SASH1: variants seen among roughly 807,000 people sequenced by gnomAD.
The protein encoded by SASH1 is SAM and SH3 domain containing 1.
Under a neutral mutation model 125.2 loss-of-function variants are expected in SASH1, and 44 were observed. The ratio of observed to expected loss-of-function variants is 0.35; its 90% CI spans 0.28 to 0.45. SASH1 has a LOEUF of 0.45. Ranked by LOEUF, SASH1 falls within the 20% of genes least tolerant of loss-of-function variation. SASH1 has a pLI of 1.00. For synonymous variants in SASH1, 639 were observed against 649.1 expected, an observed-to-expected ratio of 0.98 and a Z score of 0.24; for missense variants, 1,426 against 1,614.5, an observed-to-expected ratio of 0.88 and a Z score of 2.00.
At chr6:148,392,451 T>G (rs1275821903) in intron 2 of SASH1, among the ~76,000 whole-genome samples, 2 of 152,166 alleles carry the variant, frequency 1.3e-5, no homozygotes, top group Middle Eastern at 3.2e-3. Flanking sequence ...TTGTTAATAA[T>G]TATTTTTATG....
chr6:148,302,326 A>G (rs1779984436), intron 1 of SASH1, among the ~76,000 whole-genome samples: 1 of 148,830 alleles, frequency 6.7e-6, no homozygotes, highest in Non-Finnish European at 1.5e-5. Context: ...AAAAAAAAAA[A>G]AAAAAAAAAA....
At chr6:148,302,684 GAAAT>G (rs1780001423) in intron 1 of SASH1, among the ~76,000 whole-genome samples, 1 of 142,988 alleles carries the variant, frequency 7.0e-6, no homozygotes, top group Non-Finnish European at 1.5e-5. Context: ...CACACACGGA[GAAAT>G]ATATATATAC....
At chr6:148,471,558 A>G in intron 6 of SASH1, 55 bp downstream of exon 6, 1 of 1,045,758 alleles carries the variant, frequency 9.6e-7, no homozygotes, top group Non-Finnish European at 1.5e-6. Flanking sequence ...CATGGGAAGA[A>G]TCCTATGCGG....
At chr6:148,206,462 A>C in the SASH1 span, among the ~76,000 whole-genome samples, 3 of 152,284 alleles carry the variant, frequency 2.0e-5, no homozygotes, top group South Asian at 6.2e-4. Flanking sequence ...CATAAAGCCA[A>C]TATAACTTGC....
chr6:148,348,972 C>G (rs1277914903), intron 1 of SASH1, among the ~76,000 whole-genome samples: 1 of 152,164 alleles, frequency 6.6e-6, no homozygotes, highest in Non-Finnish European at 1.5e-5. Flanking sequence ...TCTGGGCGGC[C>G]CCTACCAGAC....
At chr6:148,482,020 A>G (rs1778642933) in intron 7 of SASH1, among the ~76,000 whole-genome samples, 1 of 149,668 alleles carries the variant, frequency 6.7e-6, no homozygotes, top group African/African-American at 2.5e-5. Flanking sequence ...CTTGGCAAGT[A>G]AGTTCAGGAC....
the SASH1 span, among the ~76,000 whole-genome samples, chr6:148,208,731 C>A: frequency 6.6e-6 from 1 of 152,100 alleles, no homozygotes. Context: ...TCTGGAATGC[C>A]TTTCTATATA....
the SASH1 span, among the ~76,000 whole-genome samples, chr6:148,229,669 C>G: frequency 6.7e-6 from 1 of 150,374 alleles, no homozygotes; most frequent in African/African-American, 2.4e-5. Flanking sequence ...CATGACTTCT[C>G]ATATATTCAC....
chr6:148,549,615 A>G lies in SASH1; in HGVS notation c.*1057A>G. On this transcript the variant is annotated 3_prime_UTR_variant, in exon 20 of 20. Coordinates refer to ENST00000367467, the MANE Select transcript of SASH1 (RefSeq NM_015278.5). ...CATATTTCAGAAAGATGTCCTTAATAAGGGAAGTCATGTATAAGATGTTTT... is the reference window on the plus strand; with the variant it reads ...CATATTTCAGAAAGATGTCCTTAATGAGGGAAGTCATGTATAAGATGTTTT... 1 of 398,988 alleles carries G rather than the reference A, an allele frequency of 2.5e-6. No individual in the cohort carries two copies. The highest frequency in any genetic ancestry group is 4.4e-6 in the Non-Finnish European group (1 of 226,026). The allele number at this position is 398,988 out of a possible 1,614,324, so 24.7% of individuals were successfully genotyped here. A position where few individuals can be genotyped will look rare whatever the true frequency, so the allele number is the denominator to read the frequency against.
At position 148,345,043 on chromosome 6, in the gene SASH1, C is replaced by T. The variant is rs554238035; in HGVS notation, c.156+1820C>T. Among the ~76,000 whole-genome samples the T allele has an allele frequency of 5.3e-5, 8 of 152,272 alleles. 1 individual carries two copies. In the South Asian group the frequency reaches 1.0e-3, roughly 20 times the overall value. ...TGCTGGGATTACAGGCGTGAGCCAC[C>T]GCGCCCGATAGACTGTTTTTAAGTT... On this transcript the variant is annotated intron_variant, in intron 1 of 19. Coordinates refer to ENST00000367467, the MANE Select transcript of SASH1 (RefSeq NM_015278.5).
chr6:148,345,674 G>C (rs939515718), intron 1 of SASH1, among the ~76,000 whole-genome samples: 1 of 152,132 alleles, frequency 6.6e-6, no homozygotes, highest in Non-Finnish European at 1.5e-5. Flanking sequence ...ATTAACAGTT[G>C]ACTTTATTCT....
intron 2 of SASH1, among the ~76,000 whole-genome samples, chr6:148,400,539 T>A (rs890497583): frequency 6.6e-6 from 1 of 152,032 alleles, no homozygotes. Flanking sequence ...CCTTTGAGCC[T>A]AGGAGTTTGA....
At chr6:148,338,052 G>GCTACCCATCTTC (rs775956699), upstream of SASH1, among the ~76,000 whole-genome samples, 24,218 of 151,740 alleles carry the variant, frequency 0.16, 2,160 homozygotes, top group East Asian at 0.27. Flanking sequence ...ATCTTCAATG[G>GCTACCCATCTTC]AATATCTACA....
intron 10 of SASH1, among the ~76,000 whole-genome samples, chr6:148,524,112 TATATATATA>T (rs1562482008): frequency 1.7e-5 from 2 of 116,088 alleles, no homozygotes; most frequent in African/African-American, 3.9e-5. Context: ...TATATATATA[TATATATATA>T]TTTTTTTTAA....
Position 148,421,153 on chromosome 6 carries a change from GAAAGAAAGAAAGAAAGA to G in SASH1, c.286-19028_286-19012del, listed in dbSNP as rs1785059610. ...AGGAAGGAAGGAAGGAAGGAAGAAA[GAAAGAAAGAAAGAAAGA>G]AAGAAAGAAAGAAAGAAAGAAAGAA... On this transcript the variant is annotated intron_variant, in intron 2 of 19. Coordinates refer to ENST00000367467, the MANE Select transcript of SASH1 (RefSeq NM_015278.5). Among the ~76,000 whole-genome samples the G allele has an allele frequency of 6.6e-3, 538 of 81,068 alleles. 6 individuals are homozygous for G. Among genetic ancestry groups the G allele is most frequent in the African/African-American group, 0.015 (355 of 24,320 alleles). The allele number at this position is 81,068 out of a possible 152,430, so 53.2% of individuals were successfully genotyped here. A position where few individuals can be genotyped will look rare whatever the true frequency, so the allele number is the denominator to read the frequency against.
At position 148,390,172 on chromosome 6, in the gene SASH1, G is replaced by A. The variant is rs780096858; in HGVS notation, c.195G>A (p.Gln65=). Residue 65 remains glutamine, a synonymous_variant, in exon 2 of 20, where the codon CAG becomes CAA. Transcript: ENST00000367467. The part of the protein sequence containing the change: ...SLGNIDDLAQ[Q]YADYYNTCFS... ...GAAACATCGATGACCTGGCGCAGCA[G>A]TATGCAGATTATTACAACACCTGTT... is the stretch of plus-strand genomic sequence containing the variant. The A allele has an allele frequency of 9.3e-6, 15 of 1,613,636 alleles. No homozygotes were observed. The highest frequency in any genetic ancestry group is 1.3e-5 in the Non-Finnish European group (15 of 1,179,862).
the SASH1 span, among the ~76,000 whole-genome samples, chr6:148,250,080 A>T: frequency 6.6e-6 from 1 of 152,180 alleles, no homozygotes; most frequent in Non-Finnish European, 1.5e-5. Context: ...AACCCTGCAG[A>T]TGAACTCCAG....
At chr6:148,356,463 G>A (rs1455016255) in intron 1 of SASH1, among the ~76,000 whole-genome samples, 1 of 146,912 alleles carries the variant, frequency 6.8e-6, no homozygotes, top group African/African-American at 2.5e-5. Context: ...GAGTGGGATT[G>A]CTGCATCAAA....
intron 4 of SASH1, among the ~76,000 whole-genome samples, chr6:148,461,189 G>A (rs1424910175): frequency 6.6e-6 from 1 of 152,174 alleles, no homozygotes; most frequent in Non-Finnish European, 1.5e-5. Context: ...TAGATTGGTG[G>A]CAGCGCTGTC....
Sources: allele counts gnomAD v4.1 joint callset (sites outside exome capture counted in the v4.1 genomes callset), GRCh38; gene constraint gnomAD v4.1.1; transcripts MANE v1.5; gene names NCBI Gene and HGNC (gene_info 2026-07-23, HGNC 2026-07-21).